GPM6A: variants seen among roughly 807,000 people sequenced by gnomAD.
GPM6A encodes the protein glycoprotein M6A.
A neutral mutation model predicts 32.1 loss-of-function variants in GPM6A; 7 were observed. The observed-to-expected ratio is 0.22, with a 90% CI of 0.12 to 0.41. The LOEUF (loss-of-function observed/expected upper bound fraction) is 0.41, where lower values mean the gene tolerates loss of function less well. GPM6A is among the 10% of genes least tolerant of loss of function. The pLI is 1.00. For missense variants in GPM6A, 235 were observed against 347.2 expected (o/e 0.68, Z 2.57); for synonymous variants, 130 against 123.4 (o/e 1.05, Z -0.35).
intron 3 of GPM6A, 78 bp downstream of exon 3, chr4:175,673,602 C>G: frequency 7.0e-6 from 7 of 995,918 alleles, no homozygotes; most frequent in Non-Finnish European, 1.0e-5. Context: ...TACTTTAATT[C>G]TTGGGAGATG....
intron 1 of GPM6A, among the ~76,000 whole-genome samples, chr4:175,932,715 T>C (rs1206234611): frequency 6.6e-6 from 1 of 152,180 alleles, no homozygotes; most frequent in Non-Finnish European, 1.5e-5. Context: ...AGAAGAACAC[T>C]GTTTTATGGT....
At chr4:175,814,767 C>G (rs557864336), upstream of GPM6A, among the ~76,000 whole-genome samples, 1 of 152,200 alleles carries the variant, frequency 6.6e-6, no homozygotes, top group African/African-American at 2.4e-5. Flanking sequence ...AGCCTCCTCA[C>G]AGCAATCACC....
chr4:175,773,926 A>T (rs1223018016), intron 1 of GPM6A, among the ~76,000 whole-genome samples: 1 of 152,018 alleles, frequency 6.6e-6, no homozygotes, highest in Non-Finnish European at 1.5e-5. Flanking sequence ...TTTCATAAAT[A>T]TTAAAAAATA....
chr4:175,998,768 T>C (rs188142319), intron 1 of GPM6A, among the ~76,000 whole-genome samples: 4 of 152,306 alleles, frequency 2.6e-5, no homozygotes, highest in Admixed American at 6.5e-5. Flanking sequence ...CCCAAACTGG[T>C]TTAGGCATAT....
At position 175,819,787 on chromosome 4, in the gene GPM6A, G is replaced by A. The variant is rs76370164; in HGVS notation, c.-22-7538C>T. On this transcript the variant is annotated intron_variant, in intron 1 of 7. Coordinates refer to the GPM6A transcript ENST00000280187. The stretch of plus-strand genomic sequence containing the variant: ...TGTAGGAAAAGGCCCTGATTGTAAA[G>A]TCTTCTCACAACATGAATATTTGTA... 5.0e-3 allele frequency among the ~76,000 whole-genome samples: 761 copies of A among 152,254 alleles called. 10 individuals are homozygous for A. The highest frequency in any genetic ancestry group is 0.017 in the African/African-American group (716 of 41,546).
Position 175,637,267 on chromosome 4 carries a change from T to TTATATATTATATATAATATAAAA in GPM6A, c.685-2211_685-2210insTTTTATATTATATATAATATATA, listed in dbSNP as rs1740724779. On this transcript the variant is annotated intron_variant, in intron 6 of 6. Coordinates refer to ENST00000393658, the MANE Select transcript of GPM6A (RefSeq NM_201591.3). ...TATTATATATAATATAAAATATATA[T>TTATATATTATATATAATATAAAA]TATATATTATATATTATATAAAATA... Among the ~76,000 whole-genome samples, 17 of 52,144 alleles carry TTATATATTATATATAATATAAAA rather than the reference T, an allele frequency of 3.3e-4. 1 individual carries two copies. In the East Asian group the frequency reaches 0.014, roughly 44 times the overall value. The allele number at this position is 52,144 out of a possible 152,430, so 34.2% of individuals were successfully genotyped here.
chr4:175,849,503 T>G (rs1249914125), intron 1 of GPM6A, among the ~76,000 whole-genome samples: 1 of 152,170 alleles, frequency 6.6e-6, no homozygotes. Flanking sequence ...AAATAATCCA[T>G]GGACATGTTA....
At chr4:175,930,159 A>G (rs1381914731) in intron 1 of GPM6A, among the ~76,000 whole-genome samples, 1 of 152,146 alleles carries the variant, frequency 6.6e-6, no homozygotes, top group African/African-American at 2.4e-5. Context: ...AAACATAGAT[A>G]TAACATTAAG....
intron 1 of GPM6A, among the ~76,000 whole-genome samples, chr4:175,849,726 T>A (rs1736195033): frequency 6.6e-6 from 1 of 152,148 alleles, no homozygotes; most frequent in South Asian, 2.1e-4. Context: ...AGCTGCTTCT[T>A]CCCCAAAGTA....
At chr4:175,787,069 G>A (rs959176653) in intron 1 of GPM6A, among the ~76,000 whole-genome samples, 1 of 151,110 alleles carries the variant, frequency 6.6e-6, no homozygotes, top group African/African-American at 2.4e-5. Flanking sequence ...GTTTTCCTTT[G>A]TTTTTCTATT....
At chr4:175,639,288 T>A (rs187017062) in intron 6 of GPM6A, among the ~76,000 whole-genome samples, 45 of 152,266 alleles carry the variant, frequency 3.0e-4, no homozygotes, top group African/African-American at 1.1e-3. Context: ...GAGAAAAACA[T>A]TTTTTTATGA....
intron 1 of GPM6A, among the ~76,000 whole-genome samples, chr4:175,874,848 G>C (rs1298975491): frequency 6.6e-6 from 1 of 152,042 alleles, no homozygotes; most frequent in African/African-American, 2.4e-5. Context: ...TTAAGCCAAG[G>C]CCGTGGCCAT....
intron 1 of GPM6A, among the ~76,000 whole-genome samples, chr4:175,926,443 G>A (rs1310772445): frequency 2.0e-5 from 3 of 151,866 alleles, no homozygotes; most frequent in Non-Finnish European, 4.4e-5. Context: ...CTTTCAATAG[G>A]GCTTATGTTT....
intron 1 of GPM6A, among the ~76,000 whole-genome samples, chr4:175,756,133 G>T (rs1271627189): frequency 4.6e-5 from 7 of 152,080 alleles, no homozygotes; most frequent in Non-Finnish European, 8.8e-5. Context: ...GTTCTGGAAG[G>T]TGTTAGGTGT....
At chr4:175,912,390 C>T (rs983850344) in intron 1 of GPM6A, among the ~76,000 whole-genome samples, 2 of 152,140 alleles carry the variant, frequency 1.3e-5, no homozygotes, top group South Asian at 2.1e-4. Flanking sequence ...CATGGTGGCT[C>T]ATACCTGTAA....
At chr4:175,710,657 A>G (rs903430767) in intron 1 of GPM6A, among the ~76,000 whole-genome samples, 11 of 152,240 alleles carry the variant, frequency 7.2e-5, no homozygotes, top group African/African-American at 2.4e-4. Context: ...AATTTTCATC[A>G]CCAACTCACA....
chr4:175,879,763 A>G (rs1298426544), intron 1 of GPM6A, among the ~76,000 whole-genome samples: 1 of 152,172 alleles, frequency 6.6e-6, no homozygotes, highest in Non-Finnish European at 1.5e-5. Context: ...TGTAGTAGAC[A>G]TGGATATTTT....
At chr4:175,994,298 T>C (rs1741237650) in intron 1 of GPM6A, among the ~76,000 whole-genome samples, 1 of 152,140 alleles carries the variant, frequency 6.6e-6, no homozygotes, top group African/African-American at 2.4e-5. Flanking sequence ...GAAACAGAAA[T>C]GTAATAGTAA....
intron 4 of GPM6A, among the ~76,000 whole-genome samples, chr4:175,650,876 T>C (rs954532119): frequency 6.6e-6 from 1 of 152,206 alleles, no homozygotes; most frequent in Non-Finnish European, 1.5e-5. Flanking sequence ...TGGCTTTTAA[T>C]GTCTGTTCAG....
Sources: allele counts gnomAD v4.1 joint callset (sites outside exome capture counted in the v4.1 genomes callset), GRCh38; gene constraint gnomAD v4.1.1; transcripts MANE v1.5; gene names NCBI Gene and HGNC (gene_info 2026-07-23, HGNC 2026-07-21).